FRMD4A: variants seen among roughly 807,000 people sequenced by gnomAD.
FRMD4A encodes FERM domain-containing protein 4A.
A neutral mutation model predicts 129.1 loss-of-function variants in FRMD4A; 29 were observed. The ratio of observed to expected loss-of-function variants is 0.22; its 90% CI spans 0.17 to 0.31. FRMD4A has a LOEUF of 0.31. Among genes scored for constraint, FRMD4A ranks in the 10% least tolerant of loss-of-function variants. The probability of loss-of-function intolerance (pLI) is 1.00; values close to 1 mark genes in which losing one functional copy is unlikely to be tolerated. For missense variants in FRMD4A, 1,272 were observed against 1,375.8 expected, an observed-to-expected ratio of 0.92 and a Z score of 1.19; for synonymous variants, 634 against 571.6, an observed-to-expected ratio of 1.11 and a Z score of -1.56.
intron 2 of FRMD4A, among the ~76,000 whole-genome samples, chr10:14,105,058 G>C (rs1049382754): frequency 6.6e-6 from 1 of 152,126 alleles, no homozygotes; most frequent in African/African-American, 2.4e-5. Context: ...CTTACGCGTG[G>C]AGTCTCTCTC....
At chr10:13,684,746 G>A (rs1264996309) in intron 15 of FRMD4A, 14 of 984,844 alleles carry the variant, frequency 1.4e-5, no homozygotes, top group Non-Finnish European at 1.7e-5. Context: ...AGAAGACAGA[G>A]AAGGGGTGCT....
chr10:13,987,770 CT>C (rs2095587122), intron 2 of FRMD4A, among the ~76,000 whole-genome samples: 1 of 152,214 alleles, frequency 6.6e-6, no homozygotes, highest in African/African-American at 2.4e-5. Flanking sequence ...GTTGCTGATT[CT>C]GAGACCTGAC....
intron 2 of FRMD4A, among the ~76,000 whole-genome samples, chr10:13,988,178 C>T (rs2092000189): frequency 6.6e-6 from 1 of 152,202 alleles, no homozygotes; most frequent in African/African-American, 2.4e-5. Context: ...ATGCAGAACA[C>T]TTCTTTAGTA....
At chr10:13,954,852 C>G (rs2095399217) in intron 2 of FRMD4A, among the ~76,000 whole-genome samples, 1 of 152,242 alleles carries the variant, frequency 6.6e-6, no homozygotes, top group South Asian at 2.1e-4. Context: ...CTCTCAAACC[C>G]CTCTCTCATG....
intron 2 of FRMD4A, among the ~76,000 whole-genome samples, chr10:13,912,358 A>C (rs76848446): frequency 0.022 from 3,281 of 152,226 alleles, 34 homozygotes; most frequent in African/African-American, 0.032. Flanking sequence ...CATGTGACCC[A>C]TGCCTGGGTA....
Position 13,858,298 on chromosome 10 carries a change from G to C in FRMD4A, c.111+549C>G, listed in dbSNP as rs79827081. ...AAAATATAAAAAATTAGCCAGGAAT[G>C]GTGGCACATGCCTGTAATCCCAGCT... On this transcript the variant is annotated intron_variant, in intron 3 of 24. Transcript: ENST00000357447. Among the ~76,000 whole-genome samples, 1,418 of 152,282 alleles carry C rather than the reference G, an allele frequency of 9.3e-3. 56 individuals carry two copies. The highest frequency in any genetic ancestry group is 0.06 in the Admixed American group (919 of 15,292).
intron 2 of FRMD4A, among the ~76,000 whole-genome samples, chr10:14,190,779 C>T (rs750837092): frequency 2.6e-5 from 4 of 152,174 alleles, no homozygotes; most frequent in Non-Finnish European, 5.9e-5. Flanking sequence ...TGTGCTGGCT[C>T]CAAGGCAGTA....
At chr10:14,296,533 T>C (rs185327962) in intron 2 of FRMD4A, among the ~76,000 whole-genome samples, 73 of 152,292 alleles carry the variant, frequency 4.8e-4, no homozygotes, top group Non-Finnish European at 8.2e-4. Context: ...CCCTGCAGTG[T>C]CTGCAACACT....
chr10:13,734,932 G>A (rs971522700), intron 12 of FRMD4A, among the ~76,000 whole-genome samples: 1 of 151,830 alleles, frequency 6.6e-6, no homozygotes, highest in Non-Finnish European at 1.5e-5. Context: ...GGAGCGCAGT[G>A]GTGCGATCTC....
chr10:13,664,096 T>A (rs1219902294), intron 18 of FRMD4A, among the ~76,000 whole-genome samples: 1 of 152,176 alleles, frequency 6.6e-6, no homozygotes, highest in Non-Finnish European at 1.5e-5. Context: ...TAATCCTCCC[T>A]GTTTCACTGC....
chr10:13,652,426 C>CAGAAAAGTTGGAAGATGT, intron 23 of FRMD4A: 1 of 168,264 alleles, frequency 5.9e-6, no homozygotes, highest in African/African-American at 2.4e-5. Flanking sequence ...GGGCATGATT[C>CAGAAAAGTTGGAAGATGT]AGAAAAGTTG....
chr10:14,029,167 G>T (rs996471672), intron 2 of FRMD4A, among the ~76,000 whole-genome samples: 3 of 151,976 alleles, frequency 2.0e-5, no homozygotes, highest in African/African-American at 7.2e-5. Context: ...AACCTCAGAT[G>T]ATCATCTCTT....
intron 2 of FRMD4A, among the ~76,000 whole-genome samples, chr10:13,875,688 G>A (rs1441424789): frequency 9.9e-5 from 15 of 152,154 alleles, no homozygotes; most frequent in Non-Finnish European, 1.9e-4. Flanking sequence ...ACCAAAGAAG[G>A]ATAACTAGAC....
At chr10:13,949,314 AAAAAG>A (rs1175336844) in intron 2 of FRMD4A, among the ~76,000 whole-genome samples, 6 of 151,388 alleles carry the variant, frequency 4.0e-5, no homozygotes, top group African/African-American at 1.5e-4. Context: ...AAAAAAAAAA[AAAAAG>A]AAAGAAAGAA....
At chr10:13,806,000 A>G (rs2093351882) in intron 4 of FRMD4A, among the ~76,000 whole-genome samples, 1 of 152,094 alleles carries the variant, frequency 6.6e-6, no homozygotes, top group South Asian at 2.1e-4. Context: ...TGGAATTACA[A>G]GCATGTACTA....
chr10:14,221,569 T>G (rs930252606), intron 2 of FRMD4A, among the ~76,000 whole-genome samples: 11 of 152,150 alleles, frequency 7.2e-5, no homozygotes, highest in Non-Finnish European at 2.9e-5. Context: ...AGTCTGACTA[T>G]ATCTGTACTT....
chr10:14,155,466 ACTCCAGGG>A (rs2131860815), intron 2 of FRMD4A, among the ~76,000 whole-genome samples: 1 of 151,824 alleles, frequency 6.6e-6, no homozygotes, highest in South Asian at 2.1e-4. Flanking sequence ...AGGAATTAAA[ACTCCAGGG>A]CTTAGCGTCT....
chr10:13,926,331 G>T (rs2095133487), intron 2 of FRMD4A, among the ~76,000 whole-genome samples: 1 of 152,164 alleles, frequency 6.6e-6, no homozygotes, highest in African/African-American at 2.4e-5. Flanking sequence ...TTACTGTAGG[G>T]AGTGATTGTT....
At chr10:14,068,721 C>A (rs964359053) in intron 2 of FRMD4A, among the ~76,000 whole-genome samples, 2 of 152,118 alleles carry the variant, frequency 1.3e-5, no homozygotes, top group African/African-American at 4.8e-5. Flanking sequence ...TGTGTAGAAG[C>A]CAAACTCAAG....
Sources: allele counts gnomAD v4.1 joint callset (sites outside exome capture counted in the v4.1 genomes callset), GRCh38; gene constraint gnomAD v4.1.1; transcripts MANE v1.5; gene names NCBI Gene and HGNC (gene_info 2026-07-23, HGNC 2026-07-21).